EIF2AK2: variants seen among roughly 807,000 people sequenced by gnomAD.
The protein encoded by EIF2AK2 is eukaryotic translation initiation factor 2 alpha kinase 2.
EIF2AK2 carries 40 observed loss-of-function variants against 70.5 expected under a neutral mutation model. That is an observed-to-expected ratio of 0.57 (90% CI 0.44 to 0.74). EIF2AK2 has a LOEUF of 0.74. EIF2AK2 is among the 30% of genes least tolerant of loss of function. The probability of loss-of-function intolerance (pLI) is 0.00; values close to 1 mark genes in which losing one functional copy is unlikely to be tolerated. For synonymous variants in EIF2AK2, 198 were observed against 220.9 expected, an observed-to-expected ratio of 0.90 and a Z score of 0.92; for missense variants, 555 against 644.3, an observed-to-expected ratio of 0.86 and a Z score of 1.50.
intron 11 of EIF2AK2, among the ~76,000 whole-genome samples, chr2:37,122,972 C>A (rs968566400): frequency 1.3e-5 from 2 of 152,014 alleles, no homozygotes; most frequent in Non-Finnish European, 2.9e-5. Flanking sequence ...TCAAGACCAG[C>A]CTGACCAACA....
At chr2:37,130,838 C>G (rs78786542) in intron 10 of EIF2AK2, among the ~76,000 whole-genome samples, 5,701 of 152,170 alleles carry the variant, frequency 0.037, 151 homozygotes, top group Middle Eastern at 0.058. Flanking sequence ...CTTTGCAGCC[C>G]CTCTCTAGAA....
At chr2:37,109,164 TG>T in intron 15 of EIF2AK2, 29 bp downstream of exon 15, 1 of 1,607,144 alleles carries the variant, frequency 6.2e-7, no homozygotes, top group Non-Finnish European at 8.5e-7. Flanking sequence ...TAATTTTTCT[TG>T]TTTAATTCTT....
Position 37,114,751 on chromosome 2 carries a change from G to A in EIF2AK2, c.1357C>T (p.Arg453Ter), listed in dbSNP as rs925200380. Residue 453 changes from arginine to a stop codon, truncating the protein, a stop_gained, in exon 14 of 17, where the codon CGA becomes TGA. Coordinates refer to ENST00000233057, the MANE Select transcript of EIF2AK2 (RefSeq NM_001135651.3). LOFTEE classifies it high-confidence loss of function. Reference protein sequence around the residue: ...GKRTRSKGTLRYMSPEQISSQ... With the variant: ...GKRTRSKGTL ...CTTACCTGTTCTGGGCTCATGTATC[G>A]CAAAGTTCCCTTACTCCTTGTTCGC... is the stretch of plus-strand genomic sequence containing the variant. 7.5e-6 allele frequency: 12 copies of A among 1,590,594 alleles called. No homozygotes were observed. In the Admixed American group the frequency reaches 8.9e-5, roughly 12 times the overall value.
rs1003507713 is a variant in EIF2AK2 at position 37,105,903 on chromosome 2, T to G, written c.*1370A>C. The G allele has an allele frequency of 1.3e-5, 2 of 152,242 alleles. No homozygotes were observed. The highest frequency in any genetic ancestry group is 2.9e-5 in the Non-Finnish European group (2 of 68,056). 9.4% of individuals were successfully genotyped at this position (152,242 alleles called of 1,614,324 possible). On this transcript the variant is annotated 3_prime_UTR_variant, in exon 17 of 17. Coordinates refer to ENST00000233057, the MANE Select transcript of EIF2AK2 (RefSeq NM_001135651.3). ...GCCCTGTGCTCAGCAGAAAGCCATCTTACCCTTCCCGATGGACTATTTTCT... is the reference window on the plus strand; with the variant it reads ...GCCCTGTGCTCAGCAGAAAGCCATCGTACCCTTCCCGATGGACTATTTTCT...
At chr2:37,135,448 T>TA in intron 10 of EIF2AK2, 36 bp downstream of exon 10, 1 of 1,552,170 alleles carries the variant, frequency 6.4e-7, no homozygotes, top group South Asian at 1.2e-5. Context: ...CCGACAGCAT[T>TA]ACCCCTTCTT....
At chr2:37,152,809 CT>C in intron 1 of EIF2AK2, among the ~76,000 whole-genome samples, 1 of 152,338 alleles carries the variant, frequency 6.6e-6, no homozygotes, top group Non-Finnish European at 1.5e-5. Flanking sequence ...CTTGAACGAA[CT>C]TTAAACTCAA....
At chr2:37,122,388 T>C (rs991442239) in intron 12 of EIF2AK2, 118 bp downstream of exon 12, 48 of 1,129,010 alleles carry the variant, frequency 4.3e-5, no homozygotes, top group Admixed American at 1.1e-4. Context: ...ACAGTGTCTC[T>C]CAGAGGGAAT....
At chr2:37,107,943 C>T (rs1021521940) in intron 15 of EIF2AK2, among the ~76,000 whole-genome samples, 2 of 151,860 alleles carry the variant, frequency 1.3e-5, no homozygotes, top group Non-Finnish European at 2.9e-5. Flanking sequence ...GTCAGGAGTT[C>T]GAGACCAGCC....
chr2:37,152,436 C>A (rs1398066080), intron 1 of EIF2AK2, among the ~76,000 whole-genome samples: 1 of 152,104 alleles, frequency 6.6e-6, no homozygotes. Flanking sequence ...ACTACAGGTG[C>A]CCACCACCAC....
rs1242391031 is a variant in EIF2AK2, at chr2:37,107,409, G to A, written c.1534-14C>T. On this transcript the variant is annotated splice_polypyrimidine_tract_variant and intron_variant, in intron 16 of 16. Transcript: ENST00000233057. Reference sequence around the variant, plus strand: ...TAGAAGAGTTTTCTGCAATGACAGTGAGAGTCAATAGTAAGAAATAAAACA... The same window carrying A: ...TAGAAGAGTTTTCTGCAATGACAGTAAGAGTCAATAGTAAGAAATAAAACA... 4.3e-6 allele frequency: 7 copies of A among 1,612,356 alleles called. No individual in the cohort carries two copies. In the East Asian group the frequency reaches 1.3e-4, roughly 31 times the overall value.
Position 37,111,307 on chromosome 2 carries a change from T to C in EIF2AK2, c.1378-2012A>G, listed in dbSNP as rs1356054259. ...ATGGTGAAGGTGGTAAATTTTATGT[T>C]TGTATATTTTACCACAATTAAAAAT... On this transcript the variant is annotated intron_variant, in intron 14 of 16. Transcript: ENST00000233057. 2.0e-5 allele frequency among the ~76,000 whole-genome samples: 3 copies of C among 152,308 alleles called. No homozygotes were observed. The East Asian group carries it at 5.8e-4, about 29-fold the overall frequency.
Position 37,151,188 on chromosome 2 carries a change from C to A in EIF2AK2, c.-183-2165G>T, listed in dbSNP as rs148078061. On this transcript the variant is annotated intron_variant, in intron 1 of 16. Transcript: ENST00000233057. ...TCTACAGAATAGAATATTTACAAAT[C>A]ATATATCTGATGAGGGTCTAGTAAC... Among the ~76,000 whole-genome samples, 56 of 152,192 alleles carry A rather than the reference C, an allele frequency of 3.7e-4. No individual in the cohort carries two copies. In the East Asian group the frequency reaches 9.3e-3, roughly 25 times the overall value.
At chr2:37,140,482 T>C (rs1675290749) in intron 5 of EIF2AK2, among the ~76,000 whole-genome samples, 1 of 152,198 alleles carries the variant, frequency 6.6e-6, no homozygotes, top group Non-Finnish European at 1.5e-5. Context: ...ATGTTTCTGT[T>C]GGAAGCCATC....
chr2:37,156,776 G>A (rs758259050), intron 1 of EIF2AK2, 132 bp downstream of exon 1: 1 of 153,332 alleles, frequency 6.5e-6, no homozygotes, highest in South Asian at 1.8e-4. Context: ...AGGGGCTTCG[G>A]ATCAGCGTCC....
chr2:37,142,323 G>A (rs921327437), intron 4 of EIF2AK2, among the ~76,000 whole-genome samples: 1 of 152,004 alleles, frequency 6.6e-6, no homozygotes, highest in Non-Finnish European at 1.5e-5. Context: ...TGTAGAGACA[G>A]CGTTTGGCCA....
chr2:37,117,211 C>T (rs1282703280), intron 13 of EIF2AK2, among the ~76,000 whole-genome samples: 1 of 44,280 alleles, frequency 2.3e-5, no homozygotes, highest in South Asian at 6.7e-4. Context: ...GACTCTGTCT[C>T]AAAAAAAAAA....
Position 37,106,141 on chromosome 2 carries a change from C to G in EIF2AK2, c.*1132G>C, listed in dbSNP as rs1225094118. On this transcript the variant is annotated 3_prime_UTR_variant, in exon 17 of 17. Coordinates refer to ENST00000233057, the MANE Select transcript of EIF2AK2 (RefSeq NM_001135651.3). Reference sequence around the variant, plus strand: ...AACCACCATCCAGAATTTAATATTTCTCATTCCCTTCCTTCCCATTATTGT... The same window carrying G: ...AACCACCATCCAGAATTTAATATTTGTCATTCCCTTCCTTCCCATTATTGT... The G allele has an allele frequency of 6.6e-6, 1 of 152,190 alleles. No individual in the cohort carries two copies. Among genetic ancestry groups the G allele is most frequent in the Non-Finnish European group, 1.5e-5 (1 of 68,030 alleles). 9.4% of individuals were successfully genotyped at this position (152,190 alleles called of 1,614,324 possible). A position where few individuals can be genotyped will look rare whatever the true frequency, so the allele number is the denominator to read the frequency against.
rs200162614 is a variant in EIF2AK2, at chr2:37,102,503, ATG to A, written c.*4768_*4769del. 177 of 149,448 alleles carry A rather than the reference ATG, an allele frequency of 1.2e-3. No individual in the cohort carries two copies. Among genetic ancestry groups the A allele is most frequent in the African/African-American group, 4.5e-3 (173 of 38,828 alleles). 9.3% of individuals were successfully genotyped at this position (149,448 alleles called of 1,614,324 possible). On this transcript the variant is annotated 3_prime_UTR_variant, in exon 17 of 17. Coordinates refer to ENST00000233057, the MANE Select transcript of EIF2AK2 (RefSeq NM_001135651.3). ...CAGTGGGGACTGCATATTGTGAGTT[ATG>A]TCTCTAGTTAGTTAACAGATAGTAG...
Position 37,128,579 on chromosome 2 carries a change from T to C in EIF2AK2, c.786-2168A>G, listed in dbSNP as rs909217560. On this transcript the variant is annotated intron_variant, in intron 10 of 16. Coordinates refer to ENST00000233057, the MANE Select transcript of EIF2AK2 (RefSeq NM_001135651.3). ...GTCAATTAAACTGTTCGGGTGGAAG[T>C]ATAATTTAGCCTTATAATGGGCCCT... Among the ~76,000 whole-genome samples, 40 of 152,326 alleles carry C rather than the reference T, an allele frequency of 2.6e-4. No homozygotes were observed. In the East Asian group the frequency reaches 7.7e-3, roughly 29 times the overall value.
Sources: allele counts gnomAD v4.1 joint callset (sites outside exome capture counted in the v4.1 genomes callset), GRCh38; gene constraint gnomAD v4.1.1; transcripts MANE v1.5; gene names NCBI Gene and HGNC (gene_info 2026-07-23, HGNC 2026-07-21).